Variants in ANKRD11 observed in about 807,000 individuals in gnomAD.
ANKRD11 encodes ankyrin repeat domain-containing protein 11.
Under a neutral mutation model 195.7 loss-of-function variants are expected in ANKRD11, and 17 were observed. The observed-to-expected ratio is 0.09, with a 90% CI of 0.06 to 0.13. The LOEUF is 0.13. Among genes scored for constraint, ANKRD11 ranks in the 10% least tolerant of loss-of-function variants. The pLI is 1.00. For missense variants in ANKRD11, 3,735 were observed against 3,566.1 expected, an observed-to-expected ratio of 1.05 and a Z score of -1.21; for synonymous variants, 1,953 against 1,528.1, an observed-to-expected ratio of 1.28 and a Z score of -6.49.
intron 1 of ANKRD11, among the ~76,000 whole-genome samples, chr16:89,480,691 T>C (rs549167552): frequency 2.6e-5 from 4 of 152,200 alleles, no homozygotes; most frequent in African/African-American, 9.6e-5. Context: ...AACCCCCTTC[T>C]GTTTGGACCC....
At chr16:89,419,179 T>C (rs1392655223) in intron 1 of ANKRD11, among the ~76,000 whole-genome samples, 2 of 152,080 alleles carry the variant, frequency 1.3e-5, no homozygotes, top group Non-Finnish European at 1.5e-5. Context: ...AAGCCATGCA[T>C]GGTGGCTCAC....
chr16:89,283,357 G>C lies in ANKRD11; in HGVS notation c.3185C>G (p.Thr1062Ser), dbSNP rs748550939. ...ATGTGTGTCTTTATGTTTTTCCTTG[G>C]TATCTTTTTTCTCTTTAAAACATTT... is the stretch of plus-strand genomic sequence containing the variant. ...FDKCFKEKKDTKEKHKDTHGK... is the reference protein window; with the variant it reads ...FDKCFKEKKDSKEKHKDTHGK... The change falls in exon 9 of 13, where the codon ACC (threonine) becomes AGC (serine). Residue 1062 changes from threonine to serine, a missense_variant. Physicochemically the swap from Thr to Ser is moderately conservative, Grantham distance 58 (BLOSUM62 1). Transcript: ENST00000301030. The surrounding 1 kb of genome is among the most constrained non-coding windows in gnomAD (Gnocchi z 4.3). The C allele has an allele frequency of 6.2e-7, 1 of 1,613,566 alleles. No individual in the cohort carries two copies. Among genetic ancestry groups the C allele is most frequent in the East Asian group, 2.2e-5 (1 of 44,874 alleles).
chr16:89,311,959 G>A (rs1458351407), intron 3 of ANKRD11, among the ~76,000 whole-genome samples: 3 of 152,194 alleles, frequency 2.0e-5, no homozygotes, highest in Non-Finnish European at 2.9e-5. Flanking sequence ...GTGCGGTGAT[G>A]CGATCTCAGC....
chr16:89,288,456 G>A (rs920568191), intron 7 of ANKRD11, 72 bp downstream of exon 7: 60 of 1,609,344 alleles, frequency 3.7e-5, no homozygotes, highest in African/African-American at 4.0e-5. Flanking sequence ...GGCTAGCTAC[G>A]GGGAAACAAA....
chr16:89,415,846 A>AAAAAAAAG (rs1448507066), intron 2 of ANKRD11, among the ~76,000 whole-genome samples: 1 of 146,378 alleles, frequency 6.8e-6, no homozygotes, highest in Non-Finnish European at 1.5e-5. Flanking sequence ...AAAAAAAAAA[A>AAAAAAAAG]AAAACAATGG....
At chr16:89,404,162 C>A (rs143944076) in intron 2 of ANKRD11, among the ~76,000 whole-genome samples, 1 of 152,168 alleles carries the variant, frequency 6.6e-6, no homozygotes. Flanking sequence ...ATGGACACAG[C>A]CCACAGGTGG....
intron 1 of ANKRD11, among the ~76,000 whole-genome samples, chr16:89,481,115 T>C (rs2057430354): frequency 6.6e-6 from 1 of 152,214 alleles, no homozygotes; most frequent in Non-Finnish European, 1.5e-5. Flanking sequence ...TCCTAACTAA[T>C]GTTTGCCCCA....
At chr16:89,348,517 C>A (rs1308293753) in intron 2 of ANKRD11, among the ~76,000 whole-genome samples, 3 of 152,182 alleles carry the variant, frequency 2.0e-5, no homozygotes, top group Non-Finnish European at 2.9e-5. Context: ...TTCTATATAA[C>A]TGACTTTCCT....
At chr16:89,378,774 C>G (rs532683011) in intron 2 of ANKRD11, among the ~76,000 whole-genome samples, 3 of 152,110 alleles carry the variant, frequency 2.0e-5, no homozygotes, top group African/African-American at 7.2e-5. Context: ...TTAGTAGAGA[C>G]GGGGTTTCAT....
intron 11 of ANKRD11, among the ~76,000 whole-genome samples, chr16:89,274,077 G>A (rs569805799): frequency 2.0e-5 from 3 of 152,302 alleles, no homozygotes; most frequent in African/African-American, 7.2e-5. Context: ...GGTCCCACAT[G>A]GACAGGTCAG....
At chr16:89,439,893 G>A (rs879327830) in intron 1 of ANKRD11, among the ~76,000 whole-genome samples, 7 of 152,184 alleles carry the variant, frequency 4.6e-5, no homozygotes, top group Non-Finnish European at 8.8e-5. Context: ...ACTGATGGGC[G>A]GCCTCCGGAG....
intron 11 of ANKRD11, 68 bp downstream of exon 11, chr16:89,274,746 A>AAGGGG: frequency 4.4e-6 from 7 of 1,596,232 alleles, no homozygotes; most frequent in East Asian, 2.2e-5. Context: ...AGAATCTATC[A>AAGGGG]AGGGGAGGGG....
At chr16:89,375,647 G>T (rs2040393057) in intron 2 of ANKRD11, among the ~76,000 whole-genome samples, 2 of 151,918 alleles carry the variant, frequency 1.3e-5, no homozygotes, top group African/African-American at 4.8e-5. Context: ...AGAGACAGGG[G>T]TTTCACCATG....
rs758471690 is a variant in ANKRD11 at position 89,284,792 on chromosome 16, A to AGCC, written c.1747_1749dup (p.Gly583dup). On this transcript the variant is annotated inframe_insertion, in exon 9 of 13. Coordinates refer to ENST00000301030, the MANE Select transcript of ANKRD11 (RefSeq NM_013275.6). ...ACTGGCTTCAGCGATTCCACACTGG[A>AGCC]GCCCTCAGAGGAGTAGTCAGACTCG... 1 of 1,613,544 alleles carries AGCC rather than the reference A, an allele frequency of 6.2e-7. No homozygotes were observed. Among genetic ancestry groups the AGCC allele is most frequent in the South Asian group, 1.1e-5 (1 of 91,054 alleles).
Position 89,285,714 on chromosome 16 carries a change from G to GCCTCCCTCCTCT in ANKRD11, c.893-66_893-65insAGAGGAGGGAGG. On this transcript the variant is annotated intron_variant, in intron 8 of 12. Coordinates refer to ENST00000301030, the MANE Select transcript of ANKRD11 (RefSeq NM_013275.6). The surrounding 1 kb of genome is among the most constrained non-coding windows in gnomAD (Gnocchi z 5.6). ...AAACAGCTCTCCCCAGAATGGCAGA[G>GCCTCCCTCCTCT]GAGGGAGGCTCTGCAGATGTGTCTG... 2 of 1,550,926 alleles carry GCCTCCCTCCTCT rather than the reference G, an allele frequency of 1.3e-6. No individual in the cohort carries two copies. Among genetic ancestry groups the GCCTCCCTCCTCT allele is most frequent in the Non-Finnish European group, 1.8e-6 (2 of 1,123,192 alleles).
chr16:89,277,070 A>AAAG (rs397721299), intron 9 of ANKRD11, among the ~76,000 whole-genome samples: 5 of 149,968 alleles, frequency 3.3e-5, no homozygotes, highest in African/African-American at 1.2e-4. Context: ...AAAAAAAAAA[A>AAAG]TGGATTAAAA....
chr16:89,269,608 T>C (rs1319949121), intron 12 of ANKRD11, among the ~76,000 whole-genome samples: 1 of 151,704 alleles, frequency 6.6e-6, no homozygotes, highest in African/African-American at 2.4e-5. Flanking sequence ...TGAATATTTT[T>C]ATACATATCC....
chr16:89,487,028 A>G (rs1006457121), intron 1 of ANKRD11, among the ~76,000 whole-genome samples: 1 of 152,188 alleles, frequency 6.6e-6, no homozygotes, highest in Non-Finnish European at 1.5e-5. Flanking sequence ...AAAAAGAAAA[A>G]AACAATTTCA....
intron 2 of ANKRD11, among the ~76,000 whole-genome samples, chr16:89,402,893 C>T (rs1487831917): frequency 6.6e-6 from 1 of 151,996 alleles, no homozygotes. Flanking sequence ...GGGGAAGGAG[C>T]CCCATCAGGG....
Sources: allele counts gnomAD v4.1 joint callset (sites outside exome capture counted in the v4.1 genomes callset), GRCh38; gene constraint gnomAD v4.1.1; non-coding constraint Gnocchi (gnomAD v3.1); transcripts MANE v1.5; gene names NCBI Gene and HGNC (gene_info 2026-07-23, HGNC 2026-07-21).